The following CMSS1 variants were observed in gnomAD, a reference collection of about 807,000 sequenced individuals.
CMSS1 encodes protein CMSS1.
Under a neutral mutation model 43.5 loss-of-function variants are expected in CMSS1, and 33 were observed. The observed-to-expected ratio is 0.76, with a 90% confidence interval of 0.57 to 1.01. The LOEUF (loss-of-function observed/expected upper bound fraction) is 1.01. Among genes scored for constraint, CMSS1 ranks in the 50% least tolerant of loss-of-function variants. CMSS1 has a pLI of 0.00. For synonymous variants in CMSS1, 115 were observed against 117.2 expected, an observed-to-expected ratio of 0.98 and a Z score of 0.12; for missense variants, 313 against 326.4, an observed-to-expected ratio of 0.96 and a Z score of 0.32.
intron 2 of CMSS1, among the ~76,000 whole-genome samples, chr3:100,152,082 C>T (rs1254461320): frequency 2.0e-5 from 3 of 152,184 alleles, no homozygotes; most frequent in African/African-American, 7.2e-5. Context: ...ACACAGCATT[C>T]TGAAGGCCAT....
At chr3:100,060,578 G>A (rs184435303) in intron 1 of CMSS1, among the ~76,000 whole-genome samples, 10 of 152,178 alleles carry the variant, frequency 6.6e-5, no homozygotes, top group East Asian at 1.9e-4. Context: ...ATAGGGGCTC[G>A]GCGCAGTGGC....
At chr3:100,141,629 T>G (rs1009016574) in intron 1 of CMSS1, 3 of 451,060 alleles carry the variant, frequency 6.7e-6, no homozygotes, top group African/African-American at 6.0e-5. Flanking sequence ...AAAAAGAAGA[T>G]GAAGGTAGGG....
intron 1 of CMSS1, among the ~76,000 whole-genome samples, chr3:100,129,300 A>T (rs1041140975): frequency 6.6e-6 from 1 of 152,224 alleles, no homozygotes; most frequent in African/African-American, 2.4e-5. Flanking sequence ...TGAATGAATG[A>T]ATGTCCATGT....
chr3:99,958,059 C>CT (rs201659331), intron 1 of CMSS1, among the ~76,000 whole-genome samples: 1,401 of 139,492 alleles, frequency 0.01, 23 homozygotes, highest in East Asian at 0.063. Context: ...AATGTCACTT[C>CT]TTTTTTTTTT....
intron 1 of CMSS1, among the ~76,000 whole-genome samples, chr3:100,097,059 G>T (rs1329021166): frequency 6.6e-6 from 1 of 152,158 alleles, no homozygotes; most frequent in Non-Finnish European, 1.5e-5. Context: ...TGAGCAGCAG[G>T]CAAGCCAGCA....
intron 1 of CMSS1, among the ~76,000 whole-genome samples, chr3:99,947,917 A>G (rs374309774): frequency 1.4e-4 from 21 of 152,344 alleles, no homozygotes; most frequent in African/African-American, 5.1e-4. Flanking sequence ...AGCTGTTATT[A>G]TATTTACAGA....
chr3:99,924,852 G>A (rs948415792), intron 1 of CMSS1, among the ~76,000 whole-genome samples: 2 of 152,132 alleles, frequency 1.3e-5, no homozygotes, highest in Non-Finnish European at 2.9e-5. Context: ...CTTGTTTAGT[G>A]TTTATTCTCT....
intron 1 of CMSS1, among the ~76,000 whole-genome samples, chr3:99,911,192 CA>C (rs1448505205): frequency 4.6e-5 from 7 of 151,946 alleles, no homozygotes; most frequent in African/African-American, 1.7e-4. Context: ...TGTATTTCTT[CA>C]ATCCTATTTG....
At chr3:100,101,458 T>C (rs2066303881) in intron 1 of CMSS1, among the ~76,000 whole-genome samples, 1 of 151,986 alleles carries the variant, frequency 6.6e-6, no homozygotes. Flanking sequence ...CAAAGAAAAA[T>C]GCAGAGAGGC....
At chr3:99,850,050 T>C in intron 1 of CMSS1, 9 of 1,611,446 alleles carry the variant, frequency 5.6e-6, no homozygotes, top group Non-Finnish European at 7.6e-6. Flanking sequence ...CCCTTTTAGT[T>C]TCCTCAATTA....
chr3:99,882,157 A>G (rs1050200308), intron 1 of CMSS1, among the ~76,000 whole-genome samples: 4 of 152,224 alleles, frequency 2.6e-5, no homozygotes, highest in Admixed American at 6.5e-5. Flanking sequence ...CTGAGAAAAT[A>G]AAGCATCCAG....
At chr3:99,828,918 T>G (rs1020458194) in intron 1 of CMSS1, among the ~76,000 whole-genome samples, 3 of 151,948 alleles carry the variant, frequency 2.0e-5, no homozygotes, top group Non-Finnish European at 4.4e-5. Context: ...ATGCTGCCTA[T>G]CATCCCTCTC....
intron 1 of CMSS1, among the ~76,000 whole-genome samples, chr3:100,131,152 G>A (rs1404178992): frequency 6.6e-6 from 1 of 152,172 alleles, no homozygotes; most frequent in African/African-American, 2.4e-5. Flanking sequence ...AGTAGGTACT[G>A]TTAATATCCC....
At chr3:100,019,879 G>T (rs1482020297) in intron 1 of CMSS1, among the ~76,000 whole-genome samples, 5 of 152,056 alleles carry the variant, frequency 3.3e-5, no homozygotes, top group Non-Finnish European at 7.4e-5. Context: ...ATTCCAGAAA[G>T]CTACAGTGAC....
rs9837440 is a variant in CMSS1 at position 100,078,061 on chromosome 3, T to C, written c.65-68912T>C. ...ATATTGAGTTATCCTATTTATAAGT[T>C]AGAATTGGGCTTGCTTTAAAAAAAA... On this transcript the variant is annotated intron_variant, in intron 1 of 9. Coordinates refer to ENST00000421999, the MANE Select transcript of CMSS1 (RefSeq NM_032359.4). 5.0e-3 allele frequency among the ~76,000 whole-genome samples: 763 copies of C among 152,038 alleles called. 5 individuals carry two copies. Among genetic ancestry groups the C allele is most frequent in the African/African-American group, 0.017 (718 of 41,398 alleles).
At chr3:100,055,018 G>A (rs538129308) in intron 1 of CMSS1, among the ~76,000 whole-genome samples, 10 of 152,060 alleles carry the variant, frequency 6.6e-5, no homozygotes, top group East Asian at 5.8e-4. Flanking sequence ...CTCTGCTTCC[G>A]TGCTTTACCC....
intron 1 of CMSS1, among the ~76,000 whole-genome samples, chr3:99,822,166 G>A (rs534732776): frequency 3.5e-4 from 53 of 152,332 alleles, no homozygotes; most frequent in Middle Eastern, 3.4e-3. Flanking sequence ...CGAGTACCCA[G>A]TAGGCAGCTA....
At chr3:100,006,636 A>G (rs2107181295) in intron 1 of CMSS1, among the ~76,000 whole-genome samples, 1 of 151,044 alleles carries the variant, frequency 6.6e-6, no homozygotes, top group South Asian at 2.1e-4. Flanking sequence ...CAGCTCATTT[A>G]TCTTACATCT....
intron 1 of CMSS1, among the ~76,000 whole-genome samples, chr3:99,863,724 A>G (rs1158904820): frequency 1.3e-5 from 2 of 152,218 alleles, no homozygotes; most frequent in Non-Finnish European, 2.9e-5. Flanking sequence ...TGTGTATTAA[A>G]ACGTATACTA....
Sources: gnomAD v4.1 joint callset for allele counts (sites outside exome capture counted in the v4.1 genomes callset) on GRCh38, gnomAD v4.1.1 for gene constraint, MANE v1.5 for transcripts, NCBI Gene and HGNC (gene_info 2026-07-23, HGNC 2026-07-21) for gene names.